GATM: variants seen among roughly 807,000 people sequenced by gnomAD.
GATM encodes the protein glycine amidinotransferase.
Under a neutral mutation model 54.2 loss-of-function variants are expected in GATM, and 23 were observed. That is an observed-to-expected ratio of 0.42 (90% confidence interval 0.31 to 0.60). GATM has a LOEUF of 0.60. GATM is among the 20% of genes least tolerant of loss of function. GATM has a pLI of 0.14. For missense variants in GATM, 401 were observed against 544.9 expected (o/e 0.74, Z 2.63); for synonymous variants, 168 against 183.1 (o/e 0.92, Z 0.67).
intron 3 of GATM, among the ~76,000 whole-genome samples, chr15:45,392,241 A>T (rs1348318857): frequency 6.6e-6 from 1 of 152,234 alleles, no homozygotes; most frequent in South Asian, 2.1e-4. Context: ...ACAGAAAGGA[A>T]GAAAAAGATG....
intron 5 of GATM, 71 bp from the exon 6 acceptor site, chr15:45,366,281 G>A: frequency 6.2e-7 from 1 of 1,606,324 alleles, no homozygotes; most frequent in Non-Finnish European, 8.5e-7. Flanking sequence ...AAATATTCAA[G>A]GTGAAAAAAA....
chr15:45,392,374 T>G (rs1044388822), intron 3 of GATM, among the ~76,000 whole-genome samples: 1 of 152,232 alleles, frequency 6.6e-6, no homozygotes, highest in African/African-American at 2.4e-5. Context: ...TGCACGTGCG[T>G]GTGCGTGCAT....
upstream of GATM, chr15:45,380,215 C>T (rs1358647594): frequency 2.0e-5 from 3 of 146,980 alleles, no homozygotes; most frequent in Non-Finnish European, 4.5e-5. Context: ...CCACTACACT[C>T]CAGCCTGGGC....
chr15:45,367,480 C>T (rs372649853), intron 4 of GATM, among the ~76,000 whole-genome samples: 25 of 152,120 alleles, frequency 1.6e-4, no homozygotes, highest in African/African-American at 4.1e-4. Context: ...TACCATAAAA[C>T]GAGATGCCAT....
chr15:45,396,317 T>C (rs941069764), intron 3 of GATM: 9 of 152,198 alleles, frequency 5.9e-5, no homozygotes, highest in African/African-American at 1.9e-4. Context: ...TTCATTTAGA[T>C]AAACTAAATT....
chr15:45,387,992 A>G (rs1028512449), intron 3 of GATM, among the ~76,000 whole-genome samples: 1 of 152,196 alleles, frequency 6.6e-6, no homozygotes, highest in Non-Finnish European at 1.5e-5. Flanking sequence ...AGGTCTCAAG[A>G]AGGGCTTTAA....
At position 45,388,890 on chromosome 15, in the gene GATM, G is replaced by A. The variant is rs1303962354; in HGVS notation, c.-319+8032C>T. 2.0e-5 allele frequency among the ~76,000 whole-genome samples: 3 copies of A among 152,166 alleles called. No homozygotes were observed. The East Asian group carries it at 5.8e-4, about 29-fold the overall frequency. ...CTCCGAGACCAACTCCCCTGGAAAGGAAGAGGGGTTTACATACATATATTG... is the reference window on the plus strand; with the variant it reads ...CTCCGAGACCAACTCCCCTGGAAAGAAAGAGGGGTTTACATACATATATTG... On this transcript the variant is annotated intron_variant, in intron 3 of 4. Transcript: ENST00000561148.
chr15:45,390,618 G>A (rs1241662023), intron 3 of GATM, among the ~76,000 whole-genome samples: 1 of 152,174 alleles, frequency 6.6e-6, no homozygotes, highest in African/African-American at 2.4e-5. Context: ...CAGCATCAAT[G>A]CACATTTTAT....
At chr15:45,398,699 G>A (rs934375758) in intron 2 of GATM, among the ~76,000 whole-genome samples, 1 of 152,250 alleles carries the variant, frequency 6.6e-6, no homozygotes, top group South Asian at 2.1e-4. Context: ...TTCAAGGGTG[G>A]CTAAACAAAT....
At chr15:45,382,993 A>G (rs1355290152), upstream of GATM, among the ~76,000 whole-genome samples, 4 of 152,152 alleles carry the variant, frequency 2.6e-5, no homozygotes, top group Non-Finnish European at 5.9e-5. Context: ...TGATCCCACA[A>G]TAGCCTGTGT....
At chr15:45,400,503 AATAATATTTCCTGTGC>A (rs1343313185) in intron 1 of GATM, among the ~76,000 whole-genome samples, 11 of 152,224 alleles carry the variant, frequency 7.2e-5, no homozygotes, top group African/African-American at 2.7e-4. Context: ...AGTGAAGTGA[AATAATATTTCCTGTGC>A]ATATGGATTC....
rs578070815 is a variant in GATM, at chr15:45,369,198, C to A, written c.484+128G>T. ...TGGACCAAACCATTCCTAAATAAAT[C>A]TTTAAAGTTTTCAAGAACTAGCAAA... On this transcript the variant is annotated intron_variant, in intron 3 of 8. Coordinates refer to ENST00000396659, the MANE Select transcript of GATM (RefSeq NM_001482.3). The A allele has an allele frequency of 7.7e-4, 565 of 731,212 alleles. 6 individuals are homozygous for A. Among genetic ancestry groups the A allele is most frequent in the Admixed American group, 7.5e-4 (32 of 42,618 alleles). The allele number at this position is 731,212 out of a possible 1,614,324, so 45.3% of individuals were successfully genotyped here. A position where few individuals can be genotyped will look rare whatever the true frequency, so the allele number is the denominator to read the frequency against.
At chr15:45,381,068 C>T (rs995934299), upstream of GATM, among the ~76,000 whole-genome samples, 4 of 152,208 alleles carry the variant, frequency 2.6e-5, no homozygotes, top group Admixed American at 1.3e-4. Flanking sequence ...ACTGGGCCAA[C>T]TCTGCAAAGT....
intron 8 of GATM, 132 bp from the exon 9 acceptor site, chr15:45,362,353 C>A (rs1297472038): frequency 4.4e-6 from 3 of 678,430 alleles, no homozygotes; most frequent in Non-Finnish European, 8.1e-6. Context: ...ATAGTATTTT[C>A]TCTTCCAATT....
intron 3 of GATM, 84 bp downstream of exon 3, chr15:45,369,242 A>C: frequency 1.7e-6 from 2 of 1,206,936 alleles, no homozygotes; most frequent in Non-Finnish European, 2.4e-6. Context: ...CTCTCCAAGA[A>C]ATTTTTTGGA....
chr15:45,368,308 A>G lies in GATM; in HGVS notation c.485-48T>C, dbSNP rs1479999613. On this transcript the variant is annotated intron_variant, in intron 3 of 8. Coordinates refer to ENST00000396659, the MANE Select transcript of GATM (RefSeq NM_001482.3). The surrounding 1 kb of genome is among the most constrained non-coding windows in gnomAD (Gnocchi z 5.1). ...GACAACTTCAGTAGTGTTAATTTCC[A>G]AGACAAAAAAGGTCTATATAGGGCC... The G allele has an allele frequency of 6.4e-7, 1 of 1,560,746 alleles. No homozygotes were observed. Among genetic ancestry groups the G allele is most frequent in the Non-Finnish European group, 8.8e-7 (1 of 1,135,996 alleles).
chr15:45,389,156 C>G (rs1043727890), intron 3 of GATM, among the ~76,000 whole-genome samples: 2 of 152,210 alleles, frequency 1.3e-5, no homozygotes, highest in African/African-American at 4.8e-5. Flanking sequence ...AAGCTTTTTC[C>G]TTTAACACTA....
intron 3 of GATM, among the ~76,000 whole-genome samples, chr15:45,392,843 T>C (rs191204956): frequency 1.1e-4 from 17 of 152,368 alleles, no homozygotes; most frequent in African/African-American, 4.1e-4. Flanking sequence ...AAGATACTTG[T>C]ATTGCTGTTT....
rs564023668 is a variant in GATM at position 45,395,199 on chromosome 15, T to C, written c.-319+1723A>G. Reference sequence around the variant, plus strand: ...GACAATCTCTATCCTATCTGTAGGCTGGCCTTGTTTCTGGCTCAGTCCCCA... The same window carrying C: ...GACAATCTCTATCCTATCTGTAGGCCGGCCTTGTTTCTGGCTCAGTCCCCA... On this transcript the variant is annotated intron_variant, in intron 3 of 4. Coordinates refer to the GATM transcript ENST00000561148. Among the ~76,000 whole-genome samples, 34 of 152,318 alleles carry C rather than the reference T, an allele frequency of 2.2e-4. No homozygotes were observed. The South Asian group carries it at 6.8e-3, about 31-fold the overall frequency.
Sources: gnomAD v4.1 joint callset for allele counts (sites outside exome capture counted in the v4.1 genomes callset) on GRCh38, gnomAD v4.1.1 for gene constraint, Gnocchi (gnomAD v3.1) non-coding constraint, MANE v1.5 for transcripts, NCBI Gene and HGNC (gene_info 2026-07-23, HGNC 2026-07-21) for gene names.